The following CTBP2 variants were observed in gnomAD, a reference collection of about 807,000 sequenced individuals.
CTBP2 encodes C-terminal binding protein 2, also known as C-terminal-binding protein 2.
CTBP2 carries 30 observed loss-of-function variants against 80.3 expected under a neutral mutation model. The ratio of observed to expected loss-of-function variants is 0.37; its 90% CI spans 0.28 to 0.51. CTBP2 has a LOEUF of 0.51. Among genes scored for constraint, CTBP2 ranks in the 20% least tolerant of loss-of-function variants. The probability of loss-of-function intolerance (pLI) is 0.93; values close to 1 mark genes in which losing one functional copy is unlikely to be tolerated. For missense variants in CTBP2, 1,212 were observed against 1,375.3 expected, an observed-to-expected ratio of 0.88 and a Z score of 1.88; for synonymous variants, 594 against 587.4, an observed-to-expected ratio of 1.01 and a Z score of -0.16.
chr10:125,021,833 G>A (rs1435720595), intron 1 of CTBP2, among the ~76,000 whole-genome samples: 1 of 152,166 alleles, frequency 6.6e-6, no homozygotes, highest in Non-Finnish European at 1.5e-5. Context: ...CACTGATGTC[G>A]GGTGTGTTCA....
intron 1 of CTBP2, among the ~76,000 whole-genome samples, chr10:125,010,046 G>GTT (rs1955691544): frequency 6.6e-6 from 1 of 152,138 alleles, no homozygotes; most frequent in Non-Finnish European, 1.5e-5. Context: ...CCGGGAAGGT[G>GTT]CCTGTTCCCA....
At chr10:125,128,288 G>T (rs767931250) in intron 1 of CTBP2, among the ~76,000 whole-genome samples, 1 of 152,206 alleles carries the variant, frequency 6.6e-6, no homozygotes, top group Non-Finnish European at 1.5e-5. Context: ...ACAGATGTCA[G>T]AAAGAACCAG....
chr10:125,034,124 C>T (rs1201072054), intron 3 of CTBP2, among the ~76,000 whole-genome samples: 3 of 152,160 alleles, frequency 2.0e-5, no homozygotes, highest in Non-Finnish European at 4.4e-5. Flanking sequence ...TGCAAAGAGA[C>T]GCTTATGTTT....
At position 125,026,584 on chromosome 10, in the gene CTBP2, C is replaced by A; in HGVS notation, c.1176G>T (p.Leu392=). Residue 392 remains leucine, a synonymous_variant, in exon 1 of 9, where the codon CTG becomes CTT. Coordinates refer to ENST00000309035, the MANE Select transcript of CTBP2 (RefSeq NM_022802.3). ...CTCCAGCTCGGGGGGATGCTGTCTG[C>A]AGAGGAGCCGCAGCGCCCAGAGAAG... 6.4e-7 allele frequency: 1 copy of A among 1,563,360 alleles called. No homozygotes were observed.
At chr10:125,109,239 T>C (rs1174574712) in intron 2 of CTBP2, among the ~76,000 whole-genome samples, 2 of 152,338 alleles carry the variant, frequency 1.3e-5, no homozygotes, top group Non-Finnish European at 1.5e-5. Context: ...TGATGGTCCA[T>C]CCAGCGGAGA....
rs866504961 is a variant in CTBP2 at position 125,018,573 on chromosome 10, A to C, written c.1678+7509T>G. On this transcript the variant is annotated intron_variant, in intron 1 of 8. Coordinates refer to ENST00000309035, the MANE Select transcript of CTBP2 (RefSeq NM_022802.3). ...CCAACCAACAAACAAACAAACAAAC[A>C]AACAAACAAACAAACTCCACAATAG... is the stretch of plus-strand genomic sequence containing the variant. Among the ~76,000 whole-genome samples the C allele has an allele frequency of 6.1e-3, 926 of 151,952 alleles. 12 individuals are homozygous for C. Among genetic ancestry groups the C allele is most frequent in the African/African-American group, 0.021 (858 of 41,434 alleles).
At chr10:125,011,556 G>C (rs1230275758) in intron 1 of CTBP2, among the ~76,000 whole-genome samples, 1 of 152,204 alleles carries the variant, frequency 6.6e-6, no homozygotes, top group Non-Finnish European at 1.5e-5. Context: ...GGGTTGGAAA[G>C]AGATGTCCAG....
chr10:125,144,558 G>T (rs1314214862), intron 1 of CTBP2, among the ~76,000 whole-genome samples: 2 of 152,190 alleles, frequency 1.3e-5, no homozygotes, highest in Admixed American at 1.3e-4. Context: ...CACAAAACGA[G>T]TTCACTCTCA....
chr10:125,047,649 T>G (rs1961600906), intron 2 of CTBP2, among the ~76,000 whole-genome samples: 1 of 152,258 alleles, frequency 6.6e-6, no homozygotes, highest in South Asian at 2.1e-4. Context: ...TATGCAAAAC[T>G]TAATACAATT....
chr10:125,090,692 C>T (rs1470249531), intron 2 of CTBP2, among the ~76,000 whole-genome samples: 1 of 151,478 alleles, frequency 6.6e-6, no homozygotes, highest in Admixed American at 6.6e-5. Context: ...GAGCCCAGGA[C>T]GTCGAGGCTG....
At chr10:125,117,853 C>T (rs867760410) in intron 1 of CTBP2, among the ~76,000 whole-genome samples, 10 of 152,224 alleles carry the variant, frequency 6.6e-5, no homozygotes, top group Admixed American at 1.3e-4. Flanking sequence ...GCCACGTTGG[C>T]ACAGAGGCAC....
chr10:125,116,153 C>A (rs1564955961), intron 1 of CTBP2, among the ~76,000 whole-genome samples: 1 of 152,154 alleles, frequency 6.6e-6, no homozygotes, highest in Non-Finnish European at 1.5e-5. Context: ...CAGGCCCGAA[C>A]CCAGCACTCA....
At chr10:125,063,970 C>T (rs972651701) in intron 2 of CTBP2, among the ~76,000 whole-genome samples, 6 of 152,108 alleles carry the variant, frequency 3.9e-5, no homozygotes, top group Non-Finnish European at 8.8e-5. Flanking sequence ...AAGCCCTCAA[C>T]CCCCCGCACC....
At chr10:125,124,452 T>TAGG (rs1191298975) in intron 1 of CTBP2, among the ~76,000 whole-genome samples, 20 of 125,980 alleles carry the variant, frequency 1.6e-4, no homozygotes, top group Admixed American at 1.1e-3. Context: ...TTACTATCTG[T>TAGG]CAGCAACAAT....
At chr10:125,079,272 C>A (rs1846812486) in intron 2 of CTBP2, among the ~76,000 whole-genome samples, 1 of 151,898 alleles carries the variant, frequency 6.6e-6, no homozygotes, top group Non-Finnish European at 1.5e-5. Flanking sequence ...CTCTAAAGTA[C>A]ACGGAGGACA....
chr10:125,130,875 A>G (rs952436759), intron 1 of CTBP2, among the ~76,000 whole-genome samples: 1 of 152,188 alleles, frequency 6.6e-6, no homozygotes, highest in Non-Finnish European at 1.5e-5. Context: ...CCTGCCACCC[A>G]GAGAGGGCAA....
rs779566123 is a variant in CTBP2 at position 125,142,477 on chromosome 10, T to G, written c.-206+17842A>C. On this transcript the variant is annotated intron_variant, in intron 1 of 10. Coordinates refer to the CTBP2 transcript ENST00000337195. ...CTTAGTGGTGGCTGGAGGCTGGGAGTCAGGGCGGGGAGGCAGGAACTCCAT... is the reference window on the plus strand; with the variant it reads ...CTTAGTGGTGGCTGGAGGCTGGGAGGCAGGGCGGGGAGGCAGGAACTCCAT... Among the ~76,000 whole-genome samples the G allele has an allele frequency of 5.0e-4, 76 of 151,568 alleles. 1 individual carries two copies. Among genetic ancestry groups the G allele is most frequent in the Non-Finnish European group, 9.3e-4 (63 of 67,868 alleles).
chr10:125,063,321 T>G (rs1844110706), intron 2 of CTBP2, among the ~76,000 whole-genome samples: 1 of 152,092 alleles, frequency 6.6e-6, no homozygotes, highest in Non-Finnish European at 1.5e-5. Context: ...TACGGAGAAT[T>G]TATTTCTCCG....
chr10:125,158,720 C>G (rs1181076632), intron 1 of CTBP2: 3 of 152,074 alleles, frequency 2.0e-5, no homozygotes, highest in Middle Eastern at 3.4e-3. Flanking sequence ...GGGATTTCTA[C>G]GAAAAATTCC....
Sources: gnomAD v4.1 joint callset for allele counts (sites outside exome capture counted in the v4.1 genomes callset) on GRCh38, gnomAD v4.1.1 for gene constraint, MANE v1.5 for transcripts, NCBI Gene and HGNC (gene_info 2026-07-23, HGNC 2026-07-21) for gene names.